Variants in PICALM observed in about 807,000 individuals in gnomAD.
PICALM encodes phosphatidylinositol-binding clathrin assembly protein.
PICALM carries 40 observed loss-of-function variants against 80.5 expected under a neutral mutation model. That is an observed-to-expected ratio of 0.50 (90% CI 0.39 to 0.65). PICALM has a LOEUF of 0.65. Ranked by LOEUF, PICALM falls within the 30% of genes least tolerant of loss-of-function variation. The pLI, the probability that PICALM is intolerant of heterozygous loss-of-function variation, is 0.00. For synonymous variants in PICALM, 288 were observed against 260.3 expected, an observed-to-expected ratio of 1.11 and a Z score of -1.02; for missense variants, 676 against 778.9, an observed-to-expected ratio of 0.87 and a Z score of 1.57.
At chr11:85,966,349 G>C (rs2093897798) in intron 19 of PICALM, among the ~76,000 whole-genome samples, 1 of 152,176 alleles carries the variant, frequency 6.6e-6, no homozygotes. Flanking sequence ...TGATATCACA[G>C]GTGTGAGCCA....
At chr11:86,027,589 A>C (rs1345615673) in intron 2 of PICALM, among the ~76,000 whole-genome samples, 1 of 150,830 alleles carries the variant, frequency 6.6e-6, no homozygotes, top group Non-Finnish European at 1.5e-5. Context: ...TCCTGCTCTC[A>C]AGCAATCCTC....
chr11:85,990,764 T>TA (rs1439114946), intron 12 of PICALM, among the ~76,000 whole-genome samples: 1 of 152,192 alleles, frequency 6.6e-6, no homozygotes, highest in East Asian at 1.9e-4. Flanking sequence ...TTTACTTGAA[T>TA]AATTGATATT....
At chr11:85,980,542 T>C (rs1225498961) in intron 17 of PICALM, among the ~76,000 whole-genome samples, 1 of 152,150 alleles carries the variant, frequency 6.6e-6, no homozygotes, top group Non-Finnish European at 1.5e-5. Flanking sequence ...AAATAATGAG[T>C]ATCAACTGTG....
chr11:86,019,270 A>T (rs1592983916), intron 4 of PICALM, among the ~76,000 whole-genome samples: 1 of 151,888 alleles, frequency 6.6e-6, no homozygotes, highest in East Asian at 1.9e-4. Flanking sequence ...GATATTCTTG[A>T]TTTTTTTCTT....
At chr11:85,969,717 C>A in intron 19 of PICALM, 2 of 381,898 alleles carry the variant, frequency 5.2e-6, no homozygotes, top group Non-Finnish European at 1.0e-5. Flanking sequence ...GACAGTCTCA[C>A]TATGTTGCCC....
chr11:86,059,336 C>T (rs1385123936), intron 1 of PICALM, among the ~76,000 whole-genome samples: 2 of 152,158 alleles, frequency 1.3e-5, no homozygotes, highest in African/African-American at 4.8e-5. Context: ...AGGAAATGTG[C>T]ATAAACCCAA....
At position 85,990,716 on chromosome 11, in the gene PICALM, T is replaced by C. The variant is rs1446850902; in HGVS notation, c.1259-317A>G. Among the ~76,000 whole-genome samples the C allele has an allele frequency of 2.0e-5, 3 of 152,266 alleles. No individual in the cohort carries two copies. In the South Asian group the frequency reaches 6.2e-4, roughly 32 times the overall value. On this transcript the variant is annotated intron_variant, in intron 12 of 19. Coordinates refer to ENST00000393346, the MANE Select transcript of PICALM (RefSeq NM_007166.4). The stretch of plus-strand genomic sequence containing the variant: ...ACCCATCTTGCACCAATCTTCCCTG[T>C]CCTAGGTGAGTGTGCTGGTCGTGGT...
intron 11 of PICALM, among the ~76,000 whole-genome samples, chr11:85,999,018 T>C (rs979411198): frequency 1.3e-5 from 2 of 152,246 alleles, no homozygotes; most frequent in Non-Finnish European, 2.9e-5. Context: ...ACATATGATA[T>C]TGTGATACAT....
At chr11:85,973,825 C>A (rs2135535419) in intron 19 of PICALM, among the ~76,000 whole-genome samples, 1 of 152,246 alleles carries the variant, frequency 6.6e-6, no homozygotes, top group South Asian at 2.1e-4. Flanking sequence ...AAACACATAA[C>A]CAATCAGTTA....
intron 1 of PICALM, among the ~76,000 whole-genome samples, chr11:86,035,601 G>C (rs2095826743): frequency 6.6e-6 from 1 of 152,094 alleles, no homozygotes; most frequent in Non-Finnish European, 1.5e-5. Context: ...TTTTACACCT[G>C]CCCTCATAAA....
At position 85,958,192 on chromosome 11, in the gene PICALM, T is replaced by C. The variant is rs1006536748; in HGVS notation, c.*854A>G. 3 of 224,110 alleles carry C rather than the reference T, an allele frequency of 1.3e-5. No homozygotes were observed. The highest frequency in any genetic ancestry group is 6.7e-5 in the African/African-American group (3 of 44,834). 13.9% of individuals were successfully genotyped at this position (224,110 alleles called of 1,614,324 possible). On this transcript the variant is annotated 3_prime_UTR_variant, in exon 20 of 20. Coordinates refer to ENST00000393346, the MANE Select transcript of PICALM (RefSeq NM_007166.4). Reference sequence around the variant, plus strand: ...TCCTTCCCAATGCACTAATGCTGAATTTAAAATGTAGTGCTTTTCCTAGTC... The same window carrying C: ...TCCTTCCCAATGCACTAATGCTGAACTTAAAATGTAGTGCTTTTCCTAGTC...
chr11:86,012,512 C>T (rs143095011), intron 5 of PICALM, 120 bp from the exon 6 acceptor site: 228 of 591,736 alleles, frequency 3.9e-4, no homozygotes, highest in African/African-American at 3.8e-3. Context: ...GTGAAAAATA[C>T]ATTTATTTTC....
chr11:86,048,950 G>A (rs1565552538), intron 1 of PICALM, among the ~76,000 whole-genome samples: 1 of 151,936 alleles, frequency 6.6e-6, no homozygotes, highest in African/African-American at 2.4e-5. Context: ...AGGATAATGT[G>A]GGTATATCTT....
intron 1 of PICALM, 81 bp from the exon 2 acceptor site, chr11:86,031,692 C>G: frequency 1.0e-6 from 1 of 998,120 alleles, no homozygotes; most frequent in Non-Finnish European, 1.5e-6. Context: ...TACAAACAGG[C>G]AAAAGATTTA....
At chr11:86,069,440 C>T (rs1170744130), upstream of PICALM, 2 of 152,902 alleles carry the variant, frequency 1.3e-5, no homozygotes, top group Non-Finnish European at 2.9e-5. Context: ...CGGCAGGCTT[C>T]TCCCCTTATC....
intron 13 of PICALM, among the ~76,000 whole-genome samples, chr11:85,987,894 C>T (rs146912260): frequency 1.5e-4 from 23 of 152,352 alleles, no homozygotes; most frequent in Non-Finnish European, 3.2e-4. Context: ...TCCCAACTTG[C>T]ATAGCCTTAA....
chr11:86,042,660 C>CAA (rs10648704), intron 1 of PICALM, among the ~76,000 whole-genome samples: 71,062 of 142,558 alleles, frequency 0.5, 17,874 homozygotes, highest in East Asian at 0.58. Flanking sequence ...TCAGGACTCT[C>CAA]AAAAAAAAAA....
intron 4 of PICALM, among the ~76,000 whole-genome samples, chr11:86,016,431 A>G (rs905888725): frequency 6.6e-6 from 1 of 152,186 alleles, no homozygotes; most frequent in African/African-American, 2.4e-5. Flanking sequence ...AGAAACTTCA[A>G]TGTTTCAACT....
At chr11:86,066,626 T>G (rs2096451659) in intron 1 of PICALM, among the ~76,000 whole-genome samples, 1 of 152,116 alleles carries the variant, frequency 6.6e-6, no homozygotes, top group South Asian at 2.1e-4. Flanking sequence ...ACTGCTACAT[T>G]TGAAATAAGA....
Sources: allele counts gnomAD v4.1 joint callset (sites outside exome capture counted in the v4.1 genomes callset), GRCh38; gene constraint gnomAD v4.1.1; transcripts MANE v1.5; gene names NCBI Gene and HGNC (gene_info 2026-07-23, HGNC 2026-07-21).